RABL3: variants seen among roughly 807,000 people sequenced by gnomAD.
The protein encoded by RABL3 is RAB, member of RAS oncogene family like 3, also known as rab-like protein 3.
RABL3 carries 31 observed loss-of-function variants against 31.8 expected under a neutral mutation model. The ratio of observed to expected loss-of-function variants is 0.97; its 90% CI spans 0.73 to 1.31. RABL3 has a LOEUF of 1.31. Ranked by LOEUF, RABL3 falls within the 40% of genes most tolerant of loss-of-function variation. The probability of loss-of-function intolerance (pLI) is 0.00; values close to 1 mark genes in which losing one functional copy is unlikely to be tolerated. For missense variants in RABL3, 263 were observed against 279.6 expected (o/e 0.94, Z 0.42); for synonymous variants, 97 against 99.9 (o/e 0.97, Z 0.18).
chr3:120,691,728 T>G (rs1708382176), intron 6 of RABL3, among the ~76,000 whole-genome samples: 1 of 152,194 alleles, frequency 6.6e-6, no homozygotes, highest in South Asian at 2.1e-4. Flanking sequence ...GAAAAGTTAA[T>G]CGGATAATAA....
Position 120,742,480 on chromosome 3 carries a change from G to GA in RABL3, c.27_28insT (p.Leu10SerfsTer40). The stretch of plus-strand genomic sequence containing the variant: ...CGCTCACCTGAGTCTCCCAACACCA[G>GA]TACCTTCACCCGATCCAGGGACGCC... On this transcript the variant is annotated frameshift_variant, in exon 1 of 8. Coordinates refer to ENST00000273375, the MANE Select transcript of RABL3 (RefSeq NM_173825.5). LOFTEE classifies it high-confidence loss of function. 6.2e-7 allele frequency: 1 copy of GA among 1,614,174 alleles called. No individual in the cohort carries two copies. The highest frequency in any genetic ancestry group is 8.5e-7 in the Non-Finnish European group (1 of 1,180,024).
chr3:120,710,528 T>G (rs1323983038), intron 2 of RABL3: 1 of 152,178 alleles, frequency 6.6e-6, no homozygotes, highest in Admixed American at 6.6e-5. Context: ...CTTCCTGTAT[T>G]TATCTGCCTT....
chr3:120,692,978 G>T (rs1289443347), intron 6 of RABL3, among the ~76,000 whole-genome samples: 1 of 152,120 alleles, frequency 6.6e-6, no homozygotes, highest in Non-Finnish European at 1.5e-5. Context: ...TGAAAACAAT[G>T]TGGGCAAAAA....
At position 120,694,558 on chromosome 3, in the gene RABL3, G is replaced by A. The variant is rs565017176; in HGVS notation, c.535-334C>T. ...GGAGTGACCTACCTACATTTACCCC[G>A]AAAACCAGAGAGAGAGAGCCATGAA... On this transcript the variant is annotated intron_variant, in intron 5 of 7. Transcript: ENST00000273375. Among the ~76,000 whole-genome samples the A allele has an allele frequency of 6.3e-4, 95 of 151,998 alleles. 1 individual carries two copies. The highest frequency in any genetic ancestry group is 1.6e-3 in the Admixed American group (24 of 15,264).
chr3:120,719,626 C>A (rs1002833206), intron 2 of RABL3, among the ~76,000 whole-genome samples: 1 of 152,224 alleles, frequency 6.6e-6, no homozygotes, highest in Admixed American at 6.5e-5. Context: ...TGAGAGCAAA[C>A]TGCAAGGCAG....
At chr3:120,717,393 C>T (rs1708683888) in intron 2 of RABL3, among the ~76,000 whole-genome samples, 1 of 152,080 alleles carries the variant, frequency 6.6e-6, no homozygotes. Context: ...TCAGGTAAGA[C>T]TGTCTTTAAA....
intron 1 of RABL3, among the ~76,000 whole-genome samples, chr3:120,741,421 T>C (rs1709041341): frequency 6.6e-6 from 1 of 152,218 alleles, no homozygotes; most frequent in South Asian, 2.1e-4. Context: ...TTAGTTTCTA[T>C]TAAGTTTTCA....
At chr3:120,706,547 T>G (rs1046633612) in intron 3 of RABL3, among the ~76,000 whole-genome samples, 30 of 151,734 alleles carry the variant, frequency 2.0e-4, no homozygotes, top group African/African-American at 6.8e-4. Context: ...TACATACATA[T>G]ATTACTTATA....
chr3:120,725,448 T>C (rs1469498088), intron 2 of RABL3, among the ~76,000 whole-genome samples: 1 of 152,202 alleles, frequency 6.6e-6, no homozygotes, highest in Non-Finnish European at 1.5e-5. Context: ...CATTACTGCG[T>C]ATATACCCAA....
At chr3:120,706,521 C>T (rs1708550325) in intron 3 of RABL3, among the ~76,000 whole-genome samples, 1 of 151,704 alleles carries the variant, frequency 6.6e-6, no homozygotes, top group Admixed American at 6.6e-5. Context: ...GTACACAGTA[C>T]TGCCATAGAT....
intron 2 of RABL3, among the ~76,000 whole-genome samples, chr3:120,719,422 C>T (rs1002778455): frequency 4.6e-5 from 7 of 152,206 alleles, no homozygotes; most frequent in Admixed American, 4.6e-4. Flanking sequence ...CTGGGAAGCG[C>T]AAGGGGTCAG....
chr3:120,691,515 G>A (rs1324302160), intron 6 of RABL3, among the ~76,000 whole-genome samples: 1 of 152,208 alleles, frequency 6.6e-6, no homozygotes, highest in Non-Finnish European at 1.5e-5. Flanking sequence ...TGTGTTAGAT[G>A]ATTCTGCCTA....
intron 2 of RABL3, among the ~76,000 whole-genome samples, chr3:120,711,957 C>G (rs1184886099): frequency 1.3e-5 from 2 of 152,088 alleles, no homozygotes; most frequent in Non-Finnish European, 2.9e-5. Context: ...CTTGGAGCCT[C>G]AGTTTCTTTG....
chr3:120,733,187 G>C (rs1399231076), intron 1 of RABL3, among the ~76,000 whole-genome samples: 1 of 152,154 alleles, frequency 6.6e-6, no homozygotes, highest in Non-Finnish European at 1.5e-5. Context: ...CAACAGTGTA[G>C]AAGCGTTCCT....
chr3:120,706,573 A>C (rs1708550873), intron 3 of RABL3, among the ~76,000 whole-genome samples: 1 of 120,186 alleles, frequency 8.3e-6, no homozygotes, highest in Admixed American at 8.2e-5. Context: ...TAAAAGTAAT[A>C]TTAGGTAATG....
chr3:120,725,937 T>C (rs1485702766), intron 2 of RABL3, among the ~76,000 whole-genome samples: 1 of 152,148 alleles, frequency 6.6e-6, no homozygotes, highest in Non-Finnish European at 1.5e-5. Flanking sequence ...CCCTAAAACT[T>C]AAAGTATAAT....
chr3:120,742,668 G>T (rs1447211538), upstream of RABL3: 2 of 706,228 alleles, frequency 2.8e-6, no homozygotes, highest in Non-Finnish European at 2.5e-6. Flanking sequence ...AAAAGGTAGC[G>T]GGGTGCTTCC....
chr3:120,719,370 C>T (rs977077040), intron 2 of RABL3, among the ~76,000 whole-genome samples: 8 of 152,166 alleles, frequency 5.3e-5, no homozygotes, highest in African/African-American at 9.7e-5. Context: ...GTGGGCACAG[C>T]GCACCGAGTG....
Position 120,685,440 on chromosome 3 carries a change from A to T in RABL3, c.*4383T>A, listed in dbSNP as rs1236800917. ...AGTGATTAGCCAGCTGAGAAAACAC[A>T]GTACTAGAGAGGGGGCTGTGTGTAA... is the stretch of plus-strand genomic sequence containing the variant. On this transcript the variant is annotated 3_prime_UTR_variant, in exon 8 of 8. Transcript: ENST00000273375. Among the ~76,000 whole-genome samples the T allele has an allele frequency of 1.3e-5, 2 of 152,246 alleles. No homozygotes were observed. The highest frequency in any genetic ancestry group is 2.9e-5 in the Non-Finnish European group (2 of 68,042).
Sources: gnomAD v4.1 joint callset for allele counts (sites outside exome capture counted in the v4.1 genomes callset) on GRCh38, gnomAD v4.1.1 for gene constraint, MANE v1.5 for transcripts, NCBI Gene and HGNC (gene_info 2026-07-23, HGNC 2026-07-21) for gene names.